The following RAB11FIP4 variants were observed in gnomAD, a reference collection of about 807,000 sequenced individuals.
RAB11FIP4 encodes the protein rab11 family-interacting protein 4.
RAB11FIP4 carries 23 observed loss-of-function variants against 74.3 expected under a neutral mutation model. The ratio of observed to expected loss-of-function variants is 0.31; its 90% confidence interval spans 0.22 to 0.44. The LOEUF (loss-of-function observed/expected upper bound fraction) is 0.44, where lower values mean the gene tolerates loss of function less well. Among genes scored for constraint, RAB11FIP4 ranks in the 20% least tolerant of loss-of-function variants. The pLI, the probability that RAB11FIP4 is intolerant of heterozygous loss-of-function variation, is 1.00. For missense variants in RAB11FIP4, 630 were observed against 863.9 expected (o/e 0.73, Z 3.39); for synonymous variants, 360 against 359.9 (o/e 1.00, Z 0.00).
chr17:31,437,300 G>A (rs1222986340), intron 3 of RAB11FIP4, among the ~76,000 whole-genome samples: 2 of 152,162 alleles, frequency 1.3e-5, no homozygotes, highest in African/African-American at 4.8e-5. Context: ...GACGGCTTCT[G>A]GATTGTGAAT....
At chr17:31,493,533 C>G (rs1289972701) in intron 3 of RAB11FIP4, among the ~76,000 whole-genome samples, 5 of 152,058 alleles carry the variant, frequency 3.3e-5, no homozygotes, top group East Asian at 1.9e-4. Context: ...AGTCTCCCTC[C>G]TAGAATAGGA....
At chr17:31,495,060 C>T (rs1346728528) in intron 3 of RAB11FIP4, among the ~76,000 whole-genome samples, 1 of 152,250 alleles carries the variant, frequency 6.6e-6, no homozygotes, top group Admixed American at 6.5e-5. Context: ...TGTCCATCCA[C>T]CTGTGCCTAG....
intron 3 of RAB11FIP4, among the ~76,000 whole-genome samples, chr17:31,499,695 C>G (rs1181745190): frequency 6.6e-6 from 1 of 152,130 alleles, no homozygotes; most frequent in African/African-American, 2.4e-5. Flanking sequence ...TAATTACTTG[C>G]AGGGAGTTTA....
intron 3 of RAB11FIP4, among the ~76,000 whole-genome samples, chr17:31,445,448 A>G (rs2071442026): frequency 6.7e-6 from 1 of 149,960 alleles, no homozygotes; most frequent in African/African-American, 2.5e-5. Context: ...CTATGTGACC[A>G]CAATATAGTT....
intron 3 of RAB11FIP4, among the ~76,000 whole-genome samples, chr17:31,456,938 G>C (rs1400099269): frequency 1.3e-5 from 2 of 152,178 alleles, no homozygotes; most frequent in Non-Finnish European, 2.9e-5. Flanking sequence ...CACCTCCAAA[G>C]TTAAGCCGAA....
chr17:31,478,519 G>A (rs1373874448), intron 3 of RAB11FIP4, among the ~76,000 whole-genome samples: 3 of 152,166 alleles, frequency 2.0e-5, no homozygotes, highest in Non-Finnish European at 2.9e-5. Flanking sequence ...TCAAGAGGGA[G>A]TGAAGAATTT....
intron 3 of RAB11FIP4, among the ~76,000 whole-genome samples, chr17:31,463,513 C>A (rs2071652657): frequency 1.3e-5 from 2 of 152,106 alleles, no homozygotes; most frequent in African/African-American, 4.8e-5. Flanking sequence ...ACAGCAAGAG[C>A]ACCCAGAACC....
chr17:31,506,992 A>T (rs1458202248), intron 3 of RAB11FIP4, among the ~76,000 whole-genome samples: 1 of 152,244 alleles, frequency 6.6e-6, no homozygotes, highest in African/African-American at 2.4e-5. Flanking sequence ...TAATACTTAC[A>T]GTCCCAACCG....
chr17:31,420,942 G>A (rs1023494491), intron 1 of RAB11FIP4, among the ~76,000 whole-genome samples: 1 of 152,006 alleles, frequency 6.6e-6, no homozygotes, highest in African/African-American at 2.4e-5. Flanking sequence ...AAATTAGCCA[G>A]GCATGGTGGT....
intron 3 of RAB11FIP4, among the ~76,000 whole-genome samples, chr17:31,441,001 A>G (rs1252889291): frequency 6.6e-6 from 1 of 151,956 alleles, no homozygotes; most frequent in African/African-American, 2.4e-5. Flanking sequence ...CCTCTAGGAA[A>G]GTTTTCTGTT....
At chr17:31,403,192 A>G (rs1380241200) in intron 1 of RAB11FIP4, among the ~76,000 whole-genome samples, 1 of 145,332 alleles carries the variant, frequency 6.9e-6, no homozygotes, top group Non-Finnish European at 1.5e-5. Context: ...CACCCCAGGC[A>G]TGGGGCTCCC....
At chr17:31,497,986 T>A (rs2072148621) in intron 3 of RAB11FIP4, among the ~76,000 whole-genome samples, 1 of 152,150 alleles carries the variant, frequency 6.6e-6, no homozygotes, top group African/African-American at 2.4e-5. Flanking sequence ...CAGCATGTGC[T>A]GAGGCATTGG....
intron 10 of RAB11FIP4, 107 bp downstream of exon 10, chr17:31,525,337 G>GGGCA: frequency 8.5e-7 from 1 of 1,170,554 alleles, no homozygotes; most frequent in South Asian, 1.6e-5. Flanking sequence ...TGAGGCTGAG[G>GGGCA]GGCAGCCTCT....
chr17:31,407,909 C>T (rs1369119948), intron 1 of RAB11FIP4, among the ~76,000 whole-genome samples: 1 of 152,168 alleles, frequency 6.6e-6, no homozygotes, highest in Non-Finnish European at 1.5e-5. Flanking sequence ...TTAGCATCCA[C>T]TGATGCCCCT....
intron 3 of RAB11FIP4, among the ~76,000 whole-genome samples, chr17:31,489,423 T>TC (rs923574879): frequency 2.6e-5 from 4 of 151,552 alleles, no homozygotes; most frequent in Admixed American, 6.6e-5. Context: ...GCGCTCTCAC[T>TC]CCCCCCCATA....
chr17:31,412,060 G>A (rs1022024113), intron 1 of RAB11FIP4, among the ~76,000 whole-genome samples: 2 of 152,176 alleles, frequency 1.3e-5, no homozygotes, highest in African/African-American at 2.4e-5. Context: ...GGAGCAGCTT[G>A]GTCCTGGGAG....
intron 3 of RAB11FIP4, among the ~76,000 whole-genome samples, chr17:31,516,547 GC>G (rs1270711065): frequency 6.6e-6 from 1 of 152,228 alleles, no homozygotes; most frequent in East Asian, 1.9e-4. Flanking sequence ...TTGGCTCACC[GC>G]AAGCTCCGCC....
Position 31,476,607 on chromosome 17 carries a change from A to T in RAB11FIP4, c.337-41044A>T, listed in dbSNP as rs527275857. ...GGCTGGTGGGGCACTAGGGGGCTTC[A>T]CCCCATGAATGTGGCCTTGTGATCC... is the stretch of plus-strand genomic sequence containing the variant. On this transcript the variant is annotated intron_variant, in intron 3 of 14. Transcript: ENST00000621161. 1.9e-3 allele frequency among the ~76,000 whole-genome samples: 292 copies of T among 152,262 alleles called. 1 individual carries two copies. Among genetic ancestry groups the T allele is most frequent in the Non-Finnish European group, 2.3e-3 (156 of 68,010 alleles).
chr17:31,401,654 CTGA>C (rs756952908), intron 1 of RAB11FIP4, among the ~76,000 whole-genome samples: 1 of 152,224 alleles, frequency 6.6e-6, no homozygotes, highest in Non-Finnish European at 1.5e-5. Flanking sequence ...AAAGTGTTTG[CTGA>C]TGACACATGG....
Sources: gnomAD v4.1 joint callset for allele counts (sites outside exome capture counted in the v4.1 genomes callset) on GRCh38, gnomAD v4.1.1 for gene constraint, MANE v1.5 for transcripts, NCBI Gene and HGNC (gene_info 2026-07-23, HGNC 2026-07-21) for gene names.